Variants in SFMBT1 observed in about 807,000 individuals in gnomAD.
SFMBT1 encodes scm-like with four MBT domains protein 1.
In SFMBT1, 32 loss-of-function variants were observed where a neutral mutation model predicts 108.7. The observed-to-expected ratio is 0.29, with a 90% CI of 0.22 to 0.40. SFMBT1 has a LOEUF of 0.40. SFMBT1 is among the 10% of genes least tolerant of loss of function. SFMBT1 has a pLI of 1.00. For synonymous variants in SFMBT1, 348 were observed against 369.5 expected (o/e 0.94, Z 0.67); for missense variants, 816 against 1,059.6 (o/e 0.77, Z 3.19).
intron 1 of SFMBT1, among the ~76,000 whole-genome samples, chr3:53,006,198 G>T (rs1490965871): frequency 6.6e-6 from 1 of 152,220 alleles, no homozygotes; most frequent in Non-Finnish European, 1.5e-5. Flanking sequence ...ATTTCAGACT[G>T]AAGGCTTCTG....
At position 52,930,956 on chromosome 3, in the gene SFMBT1, T is replaced by C. The variant is rs1370254505; in HGVS notation, c.780A>G (p.Pro260=). 6 of 1,613,886 alleles carry C rather than the reference T, an allele frequency of 3.7e-6. No individual in the cohort carries two copies. Among genetic ancestry groups the C allele is most frequent in the Admixed American group, 1.7e-5 (1 of 59,996 alleles). Residue 260 remains proline, a synonymous_variant, in exon 7 of 21, where the codon CCA becomes CCG. Transcript: ENST00000394752. ...KVKEEEEEPL[P]SYLFKDKQVI... ...TTGTTTTTACCTTAAATAAGTAAGA[T>C]GGTAATGGCTCTTCCTCTTCCTCTT... is the stretch of plus-strand genomic sequence containing the variant.
intron 1 of SFMBT1, among the ~76,000 whole-genome samples, chr3:53,031,127 G>C (rs1699670379): frequency 6.6e-6 from 1 of 152,172 alleles, no homozygotes; most frequent in South Asian, 2.1e-4. Flanking sequence ...TATAGATACA[G>C]CCATCATCAG....
At chr3:53,028,167 T>C (rs1409688704) in intron 1 of SFMBT1, among the ~76,000 whole-genome samples, 3 of 152,046 alleles carry the variant, frequency 2.0e-5, no homozygotes, top group Non-Finnish European at 2.9e-5. Context: ...CACAGCTCAC[T>C]TGGAGGCAGA....
rs771070158 is a variant in SFMBT1, at chr3:52,907,286, G to C, written c.2114C>G (p.Pro705Arg). 4 of 1,613,654 alleles carry C rather than the reference G, an allele frequency of 2.5e-6. No individual in the cohort carries two copies. In the Admixed American group the frequency reaches 6.7e-5, roughly 27 times the overall value. Reference protein sequence around the residue: ...QGSGGEDEDDPDEGDDDSLSE... With the variant: ...QGSGGEDEDDRDEGDDDSLSE... The stretch of plus-strand genomic sequence containing the variant: ...TAGGGAATCATCATCCCCTTCATCT[G>C]GGTCATCCTCATCTTCACCCCCACT... Residue 705 changes from proline (P) to arginine (R), a missense_variant, in exon 19 of 21, where the codon CCA becomes CGA. This residue lies in a region of SFMBT1 where 177 missense variants were observed against 182.0 expected (regional missense o/e 0.97). Coordinates refer to ENST00000394752, the MANE Select transcript of SFMBT1 (RefSeq NM_016329.4).
chr3:53,000,553 A>G (rs1171908928), intron 1 of SFMBT1, among the ~76,000 whole-genome samples: 1 of 150,038 alleles, frequency 6.7e-6, no homozygotes, highest in Non-Finnish European at 1.5e-5. Flanking sequence ...GGGACTATAT[A>G]AATACATATA....
At chr3:52,927,678 G>A (rs1256103249) in intron 9 of SFMBT1, among the ~76,000 whole-genome samples, 1 of 152,184 alleles carries the variant, frequency 6.6e-6, no homozygotes, top group African/African-American at 2.4e-5. Context: ...AGGAAAATGA[G>A]CTTTTATTTT....
intron 1 of SFMBT1, among the ~76,000 whole-genome samples, chr3:53,024,420 G>A (rs952426431): frequency 2.6e-5 from 4 of 152,214 alleles, no homozygotes. Context: ...TTCCTATGTG[G>A]AACAGAACAG....
chr3:52,948,825 A>ATTTTTTTTTTTTTTTTTTTTTTT lies in SFMBT1; in HGVS notation c.124-5233_124-5232insAAAAAAAAAAAAAAAAAAAAAAA, dbSNP rs71615878. The stretch of plus-strand genomic sequence containing the variant: ...CTCCACCATGCCTGGCTAATTTTTA[A>ATTTTTTTTTTTTTTTTTTTTTTT]TTTTTTTTTTTTTTTTTTTTTGTAG... On this transcript the variant is annotated intron_variant, in intron 3 of 20. Coordinates refer to ENST00000394752, the MANE Select transcript of SFMBT1 (RefSeq NM_016329.4). Among the ~76,000 whole-genome samples the ATTTTTTTTTTTTTTTTTTTTTTT allele has an allele frequency of 6.8e-4, 53 of 78,300 alleles. 5 individuals carry two copies. Among genetic ancestry groups the ATTTTTTTTTTTTTTTTTTTTTTT allele is most frequent in the Non-Finnish European group, 1.1e-3 (47 of 42,470 alleles). The allele number at this position is 78,300 out of a possible 152,430, so 51.4% of individuals were successfully genotyped here. A position where few individuals can be genotyped will look rare whatever the true frequency, so the allele number is the denominator to read the frequency against.
chr3:53,029,789 TGTG>T (rs762490959), intron 1 of SFMBT1, among the ~76,000 whole-genome samples: 2 of 152,004 alleles, frequency 1.3e-5, no homozygotes, highest in Non-Finnish European at 2.9e-5. Context: ...CTCTGCAACA[TGTG>T]GTGGGTGGAG....
At chr3:52,959,748 C>T (rs956021085) in intron 2 of SFMBT1, among the ~76,000 whole-genome samples, 4 of 152,108 alleles carry the variant, frequency 2.6e-5, no homozygotes, top group African/African-American at 9.7e-5. Flanking sequence ...GAATTTGCCA[C>T]CTAGATTCTT....
chr3:53,044,233 T>C (rs1267587369), intron 1 of SFMBT1, among the ~76,000 whole-genome samples: 1 of 152,222 alleles, frequency 6.6e-6, no homozygotes, highest in Non-Finnish European at 1.5e-5. Flanking sequence ...TCTCAAAATA[T>C]ACACTGTGAT....
intron 3 of SFMBT1, among the ~76,000 whole-genome samples, chr3:52,944,524 T>G (rs1241542215): frequency 6.6e-6 from 1 of 152,190 alleles, no homozygotes; most frequent in Non-Finnish European, 1.5e-5. Flanking sequence ...TTTCTTTTCT[T>G]TTTTATTTTT....
At chr3:52,906,622 C>T (rs1227461032) in intron 19 of SFMBT1, among the ~76,000 whole-genome samples, 1 of 152,138 alleles carries the variant, frequency 6.6e-6, no homozygotes, top group African/African-American at 2.4e-5. Context: ...AGTTTTTGAA[C>T]ACTAAATTGT....
chr3:52,992,088 T>C (rs6771610), intron 1 of SFMBT1, among the ~76,000 whole-genome samples: 40,266 of 152,168 alleles, frequency 0.26, 5,439 homozygotes, highest in East Asian at 0.33. Flanking sequence ...AAGCCTGTCC[T>C]TAACCTGCTG....
chr3:53,041,058 A>G (rs1235532238), intron 1 of SFMBT1, among the ~76,000 whole-genome samples: 1 of 133,510 alleles, frequency 7.5e-6, no homozygotes, highest in Non-Finnish European at 1.5e-5. Flanking sequence ...CCTGGACTCC[A>G]GAGATCTGCC....
intron 1 of SFMBT1, among the ~76,000 whole-genome samples, chr3:53,004,889 G>C (rs749264714): frequency 9.9e-5 from 15 of 152,200 alleles, no homozygotes; most frequent in Non-Finnish European, 2.1e-4. Context: ...CTTCCTTCTT[G>C]ACAACAATAT....
At position 52,918,406 on chromosome 3, in the gene SFMBT1, G is replaced by A. The variant is rs1019951475; in HGVS notation, c.1415+78C>T. 27 of 1,138,976 alleles carry A rather than the reference G, an allele frequency of 2.4e-5. No homozygotes were observed. In the African/African-American group the frequency reaches 4.2e-4, roughly 18 times the overall value. 70.6% of individuals were successfully genotyped at this position (1,138,976 alleles called of 1,614,324 possible). A position where few individuals can be genotyped will look rare whatever the true frequency, so the allele number is the denominator to read the frequency against. ...AAATTATGCTTCCATCTGAGAAAAT[G>A]AGGAAATATACCCTCTGAAATAGTT... On this transcript the variant is annotated intron_variant, in intron 13 of 20. Transcript: ENST00000394752.
chr3:52,932,353 T>C, intron 5 of SFMBT1, 45 bp from the exon 6 acceptor site: 4 of 1,567,668 alleles, frequency 2.6e-6, no homozygotes, highest in Non-Finnish European at 2.6e-6. Flanking sequence ...GAAATTAACA[T>C]AATATTTTTG....
rs1377699096 is a variant in SFMBT1, at chr3:53,016,169, C to A, written c.-131+29647G>T. Among the ~76,000 whole-genome samples, 20 of 149,856 alleles carry A rather than the reference C, an allele frequency of 1.3e-4. 1 individual carries two copies. Among genetic ancestry groups the A allele is most frequent in the East Asian group, 7.9e-4 (4 of 5,076 alleles). On this transcript the variant is annotated intron_variant, in intron 1 of 20. Transcript: ENST00000394752. Reference sequence around the variant, plus strand: ...TAAAGGACAAAGTGAAAAAAAAAAACAAAACCCAGAACTTTAAGCTTACAC... The same window carrying A: ...TAAAGGACAAAGTGAAAAAAAAAAAAAAAACCCAGAACTTTAAGCTTACAC...
Sources: allele counts gnomAD v4.1 joint callset (sites outside exome capture counted in the v4.1 genomes callset), GRCh38; gene constraint gnomAD v4.1.1; regional missense constraint gnomAD v4.1.1; transcripts MANE v1.5; gene names NCBI Gene and HGNC (gene_info 2026-07-23, HGNC 2026-07-21).